Variants in CNNM2 observed in about 807,000 individuals in gnomAD.
The protein encoded by CNNM2 is cyclin and CBS domain divalent metal cation transport mediator 2.
Under a neutral mutation model 66.9 loss-of-function variants are expected in CNNM2, and 12 were observed. The observed-to-expected ratio is 0.18, with a 90% CI of 0.11 to 0.29. CNNM2 has a LOEUF of 0.29. Among genes scored for constraint, CNNM2 ranks in the 10% least tolerant of loss-of-function variants. The pLI is 1.00. For synonymous variants in CNNM2, 557 were observed against 501.8 expected, an observed-to-expected ratio of 1.11 and a Z score of -1.47; for missense variants, 705 against 1,167.7, an observed-to-expected ratio of 0.60 and a Z score of 5.77.
rs2065826895 is a variant in CNNM2 at position 103,087,139 on chromosome 10, G to GTTTTT, written c.*9959_*9960insTTTTT. ...CTTCTCACGGTATAAAACTCCGCAG[G>GTTTTT]ATTTTTTTTTTTTTTTTTTTTTTTT... On this transcript the variant is annotated 3_prime_UTR_variant, in exon 8 of 8. Transcript: ENST00000369878. 1 of 48,042 alleles carries GTTTTT rather than the reference G, an allele frequency of 2.1e-5. No individual in the cohort carries two copies. The highest frequency in any genetic ancestry group is 3.2e-4 in the Admixed American group (1 of 3,084). 3.0% of individuals were successfully genotyped at this position (48,042 alleles called of 1,614,324 possible).
At chr10:102,928,632 G>A (rs1845959942) in intron 1 of CNNM2, among the ~76,000 whole-genome samples, 1 of 151,414 alleles carries the variant, frequency 6.6e-6, no homozygotes, top group East Asian at 1.9e-4. Context: ...AGGCTGGGAA[G>A]TCCAAGATCA....
chr10:103,087,268 C>T lies in CNNM2; in HGVS notation c.*10088C>T, dbSNP rs1398215345. The stretch of plus-strand genomic sequence containing the variant: ...TTTTAAAAAGCCCAGTTACAGCTGC[C>T]CTGCCTACCCATGGACCATTGACTT... On this transcript the variant is annotated 3_prime_UTR_variant, in exon 8 of 8. Coordinates refer to ENST00000369878, the MANE Select transcript of CNNM2 (RefSeq NM_017649.5). The T allele has an allele frequency of 6.7e-6, 1 of 149,968 alleles. No individual in the cohort carries two copies. The highest frequency in any genetic ancestry group is 2.0e-4 in the East Asian group (1 of 5,064). The allele number at this position is 149,968 out of a possible 1,614,324, so 9.3% of individuals were successfully genotyped here.
chr10:102,921,850 C>T (rs1320068787), intron 1 of CNNM2, among the ~76,000 whole-genome samples: 1 of 151,942 alleles, frequency 6.6e-6, no homozygotes, highest in Non-Finnish European at 1.5e-5. Context: ...GAAGTCTTTT[C>T]TTCACTTCTA....
rs1356019307 is a variant in CNNM2, at chr10:103,076,200, A to G, written c.2348A>G (p.Asn783Ser). 5 of 1,593,086 alleles carry G rather than the reference A, an allele frequency of 3.1e-6. No homozygotes were observed. The African/African-American group carries it at 4.0e-5, about 13-fold the overall frequency. The change falls in exon 7 of 8, where the codon AAT (asparagine) becomes AGT (serine). Residue 783 changes from asparagine (N) to serine (S), a missense_variant. Asn to Ser is a conservative substitution (Grantham distance 46). Around this residue, in one of 9 missense-constraint regions of CNNM2, gnomAD observed 194 missense variants for 227.6 expected, o/e 0.85. Transcript: ENST00000369878. ...CTGGGGAGCAGCAATAACCAGCTCA[A>G]TTCTTCGCTCCTCCAAGTCTACATC... is the stretch of plus-strand genomic sequence containing the variant. ...PTLGSSNNQL[N>S]SSLLQVYIPD...
intron 1 of CNNM2, among the ~76,000 whole-genome samples, chr10:103,029,300 T>TAAA (rs756251100): frequency 8.2e-6 from 1 of 122,318 alleles, no homozygotes; most frequent in Non-Finnish European, 1.7e-5. Context: ...CATCTCTACT[T>TAAA]AAAAAAAAAA....
At chr10:102,927,066 A>G (rs558765889) in intron 1 of CNNM2, among the ~76,000 whole-genome samples, 1 of 152,244 alleles carries the variant, frequency 6.6e-6, no homozygotes, top group Admixed American at 6.5e-5. Context: ...AGCGTGAGCC[A>G]CCACACCCAG....
intron 1 of CNNM2, among the ~76,000 whole-genome samples, chr10:103,012,062 A>C (rs1474128337): frequency 6.6e-6 from 1 of 152,064 alleles, no homozygotes; most frequent in Non-Finnish European, 1.5e-5. Context: ...AGATCAGCAC[A>C]CTCTTCAGAG....
rs141871894 is a variant in CNNM2 at position 102,942,760 on chromosome 10, A to G, written c.1621+22659A>G. On this transcript the variant is annotated intron_variant, in intron 1 of 7. Transcript: ENST00000369878. ...TAGTTTTTAAAAATAGCAAAACATT[A>G]TAACAGTCTAAAAGTCCAGCATTGA... is the stretch of plus-strand genomic sequence containing the variant. Among the ~76,000 whole-genome samples the G allele has an allele frequency of 3.6e-3, 545 of 152,378 alleles. 4 individuals are homozygous for G. The highest frequency in any genetic ancestry group is 0.013 in the African/African-American group (532 of 41,584).
intron 1 of CNNM2, among the ~76,000 whole-genome samples, chr10:102,999,621 C>T (rs1480717445): frequency 6.6e-6 from 1 of 152,006 alleles, no homozygotes; most frequent in African/African-American, 2.4e-5. Flanking sequence ...CTATTTAATA[C>T]AATCCTTATC....
chr10:102,996,171 T>C (rs1590367158), intron 1 of CNNM2, among the ~76,000 whole-genome samples: 1 of 152,214 alleles, frequency 6.6e-6, no homozygotes, highest in Non-Finnish European at 1.5e-5. Flanking sequence ...TTCTTTTTTG[T>C]TAGTCTTTCT....
chr10:103,077,104 C>T lies in CNNM2; in HGVS notation c.2552C>T (p.Ala851Val). 1 of 1,613,958 alleles carries T rather than the reference C, an allele frequency of 6.2e-7. No individual in the cohort carries two copies. Among genetic ancestry groups the T allele is most frequent in the Non-Finnish European group, 8.5e-7 (1 of 1,179,878 alleles). Residue 851 changes from alanine (A) to valine (V), a missense_variant, in exon 8 of 8, where the codon GCC becomes GTC. Ala to Val is a moderately conservative substitution (Grantham distance 64). Transcript: ENST00000369878. ...ELHDGLPDET[A>V]NLLNEQNCVT... ...CATGACGGGTTGCCAGACGAGACAGCCAACCTGCTCAACGAACAGAACTGT... is the reference window on the plus strand; with the variant it reads ...CATGACGGGTTGCCAGACGAGACAGTCAACCTGCTCAACGAACAGAACTGT...
chr10:103,062,368 C>T (rs745743976), intron 4 of CNNM2, among the ~76,000 whole-genome samples: 1 of 152,178 alleles, frequency 6.6e-6, no homozygotes, highest in Non-Finnish European at 1.5e-5. Flanking sequence ...CTTTTAATAG[C>T]AACCTCCTCA....
chr10:102,996,398 T>A (rs2064005084), intron 1 of CNNM2, among the ~76,000 whole-genome samples: 1 of 152,218 alleles, frequency 6.6e-6, no homozygotes, highest in Non-Finnish European at 1.5e-5. Flanking sequence ...TCATACTGTT[T>A]ATAACTGCAA....
At chr10:103,019,296 A>C (rs1330691874) in intron 1 of CNNM2, among the ~76,000 whole-genome samples, 5 of 151,908 alleles carry the variant, frequency 3.3e-5, no homozygotes, top group Non-Finnish European at 7.4e-5. Context: ...GAGTAATGAA[A>C]TACTGAACAA....
chr10:102,992,506 CGAA>C (rs1264784802), intron 1 of CNNM2, among the ~76,000 whole-genome samples: 3 of 151,900 alleles, frequency 2.0e-5, no homozygotes, highest in African/African-American at 7.3e-5. Flanking sequence ...CTCCTGATCT[CGAA>C]GTGATCCTCC....
chr10:102,943,518 T>G (rs1402748705), intron 1 of CNNM2, among the ~76,000 whole-genome samples: 1 of 152,120 alleles, frequency 6.6e-6, no homozygotes, highest in Non-Finnish European at 1.5e-5. Context: ...TGAGGTGATA[T>G]CTATATGCAT....
intron 1 of CNNM2, among the ~76,000 whole-genome samples, chr10:102,985,980 A>G (rs2063791178): frequency 6.6e-6 from 1 of 152,038 alleles, no homozygotes; most frequent in South Asian, 2.1e-4. Context: ...AAGTGATTGC[A>G]CCTTACCTCC....
intron 1 of CNNM2, among the ~76,000 whole-genome samples, chr10:103,029,119 G>A (rs1050965501): frequency 2.6e-5 from 4 of 151,566 alleles, no homozygotes; most frequent in African/African-American, 9.7e-5. Context: ...ACCGTGCCCG[G>A]CCCCCACTCC....
intron 1 of CNNM2, among the ~76,000 whole-genome samples, chr10:103,034,197 A>G (rs919548342): frequency 2.0e-5 from 3 of 151,924 alleles, no homozygotes; most frequent in African/African-American, 7.2e-5. Context: ...TATGTTTACT[A>G]TTAAATGTAT....
Sources: allele counts gnomAD v4.1 joint callset (sites outside exome capture counted in the v4.1 genomes callset), GRCh38; gene constraint gnomAD v4.1.1; regional missense constraint gnomAD v4.1.1; transcripts MANE v1.5; gene names NCBI Gene and HGNC (gene_info 2026-07-23, HGNC 2026-07-21).